WDR1: variants seen among roughly 807,000 people sequenced by gnomAD.
WDR1 encodes the protein WD repeat domain 1.
WDR1 carries 21 observed loss-of-function variants against 71.9 expected under a neutral mutation model. The ratio of observed to expected loss-of-function variants is 0.29; its 90% CI spans 0.21 to 0.42. WDR1 has a LOEUF of 0.42. Among genes scored for constraint, WDR1 ranks in the 10% least tolerant of loss-of-function variants. The probability of loss-of-function intolerance (pLI) is 1.00; values close to 1 mark genes in which losing one functional copy is unlikely to be tolerated. For synonymous variants in WDR1, 424 were observed against 347.4 expected (o/e 1.22, Z -2.45); for missense variants, 696 against 824.5 (o/e 0.84, Z 1.91).
At position 10,103,789 on chromosome 4, in the gene WDR1, ACCTCCCT is replaced by A. The variant is rs1712848947; in HGVS notation, c.229+100_229+106del. Reference sequence around the variant, plus strand: ...CCCCCAGCCTGCTCCCCCACCCCCCACCTCCCTCCTCCCACTCTCCCAAGGCCAGAAG... The same window carrying A: ...CCCCCAGCCTGCTCCCCCACCCCCCACCTCCCACTCTCCCAAGGCCAGAAG... On this transcript the variant is annotated intron_variant, in intron 3 of 14. Coordinates refer to ENST00000499869, the MANE Select transcript of WDR1 (RefSeq NM_017491.5). The A allele has an allele frequency of 4.1e-5, 3 of 73,070 alleles. 1 individual carries two copies. The highest frequency in any genetic ancestry group is 8.6e-5 in the Non-Finnish European group (3 of 34,690). 4.5% of individuals were successfully genotyped at this position (73,070 alleles called of 1,614,324 possible).
At chr4:10,105,267 C>T (rs953561887) in intron 2 of WDR1, among the ~76,000 whole-genome samples, 1 of 152,204 alleles carries the variant, frequency 6.6e-6, no homozygotes, top group African/African-American at 2.4e-5. Flanking sequence ...TCCATCTCCT[C>T]CAACTCTGCT....
chr4:10,091,255 T>A (rs3796825), intron 5 of WDR1, among the ~76,000 whole-genome samples: 25,128 of 152,288 alleles, frequency 0.17, 2,587 homozygotes, highest in Middle Eastern at 0.24. Context: ...TTTGTACCTT[T>A]TTCACTAGTT....
chr4:10,091,187 TAG>T (rs1711953010), intron 5 of WDR1, among the ~76,000 whole-genome samples: 1 of 152,254 alleles, frequency 6.6e-6, no homozygotes, highest in South Asian at 2.1e-4. Flanking sequence ...GCTATGGTGC[TAG>T]AGGTCACCCT....
rs975674866 is a variant in WDR1, at chr4:10,115,964, C to T, written c.138+149G>A. 8 of 1,086,526 alleles carry T rather than the reference C, an allele frequency of 7.4e-6. No homozygotes were observed. In the African/African-American group the frequency reaches 8.0e-5, roughly 11 times the overall value. The allele number at this position is 1,086,526 out of a possible 1,614,324, so 67.3% of individuals were successfully genotyped here. A position where few individuals can be genotyped will look rare whatever the true frequency, so the allele number is the denominator to read the frequency against. On this transcript the variant is annotated intron_variant, in intron 2 of 14. Transcript: ENST00000499869. ...GTGAATCTGAGGCCGGCTTCCGGGG[C>T]TCCGAGGTGTGGCTCCCGGTAGAGG...
chr4:10,102,689 A>T (rs896172694), intron 3 of WDR1, among the ~76,000 whole-genome samples: 16 of 152,164 alleles, frequency 1.1e-4, no homozygotes, highest in Non-Finnish European at 1.8e-4. Flanking sequence ...GGTCTTCCCC[A>T]ACCCCAAGGC....
At position 10,077,370 on chromosome 4, in the gene WDR1, C is replaced by T. The variant is rs766457014; in HGVS notation, c.1648G>A (p.Gly550Ser). The change falls in exon 14 of 15, where the codon GGT becomes AGT. Residue 550 changes from glycine (G) to serine (S), a missense_variant. Coordinates refer to ENST00000499869, the MANE Select transcript of WDR1 (RefSeq NM_017491.5). ...ACATACACCATCATGTCCATGCCAC[C>T]GGAGGCAAAGTGTTCATTGTCTGGG... is the stretch of plus-strand genomic sequence containing the variant. ...WSPDNEHFAS[G>S]GMDMMVYVWT... 108 of 1,613,886 alleles carry T rather than the reference C, an allele frequency of 6.7e-5. No individual in the cohort carries two copies. The highest frequency in any genetic ancestry group is 8.2e-5 in the Non-Finnish European group (97 of 1,179,882).
chr4:10,087,794 C>T lies in WDR1; in HGVS notation c.864G>A (p.Gln288=), dbSNP rs1451533598. The change falls in exon 8 of 15, where the codon CAG becomes CAA. Residue 288 remains glutamine, a synonymous_variant. Coordinates refer to ENST00000499869, the MANE Select transcript of WDR1 (RefSeq NM_017491.5). ...VLDQQLGCLW[Q]KDHLLSVSLS... ...GGGAGACACTGAGCAGGTGGTCCTT[C>T]TGCCATAGGCAGCCCAGCTGCTGGT... 5 of 1,597,664 alleles carry T rather than the reference C, an allele frequency of 3.1e-6. No individual in the cohort carries two copies. Among genetic ancestry groups the T allele is most frequent in the Non-Finnish European group, 4.3e-6 (5 of 1,171,862 alleles).
At position 10,075,076 on chromosome 4, in the gene WDR1, A is replaced by C. The variant is rs1300289957; in HGVS notation, c.*302T>G. The C allele has an allele frequency of 4.4e-6, 2 of 458,448 alleles. No individual in the cohort carries two copies. The highest frequency in any genetic ancestry group is 5.5e-4 in the Middle Eastern group (1 of 1,814). The allele number at this position is 458,448 out of a possible 1,614,324, so 28.4% of individuals were successfully genotyped here. A position where few individuals can be genotyped will look rare whatever the true frequency, so the allele number is the denominator to read the frequency against. ...GGGCCAGGGGCTCTGTGTGCTTTGG[A>C]GGCTACTGCCTCTGGAATGTTTCGC... On this transcript the variant is annotated 3_prime_UTR_variant, in exon 15 of 15. Coordinates refer to ENST00000499869, the MANE Select transcript of WDR1 (RefSeq NM_017491.5).
At chr4:10,083,671 GAAC>G (rs1765101912) in intron 9 of WDR1, 1 of 471,582 alleles carries the variant, frequency 2.1e-6, no homozygotes, top group Non-Finnish European at 4.2e-6. Context: ...GAGGGCAGCA[GAAC>G]AACGCACAGC....
At chr4:10,077,578 C>G in intron 13 of WDR1, 130 bp from the exon 14 acceptor site, 1 of 1,491,208 alleles carries the variant, frequency 6.7e-7, no homozygotes, top group South Asian at 1.3e-5. Context: ...ATGCCAGCGA[C>G]CCCTGCAAAC....
chr4:10,087,962 G>C, intron 7 of WDR1, 22 bp from the exon 8 acceptor site: 2 of 1,540,836 alleles, frequency 1.3e-6, no homozygotes, highest in Non-Finnish European at 8.8e-7. Flanking sequence ...AAAGCAGTGT[G>C]TCATGTGCCA....
At position 10,107,744 on chromosome 4, in the gene WDR1, G is replaced by A. The variant is rs1015741000; in HGVS notation, c.139-3758C>T. ...GCCACCACCCCTGGAGGAGTCCGGG[G>A]GCCTCTGAGGACATGAAGGACACCA... On this transcript the variant is annotated intron_variant, in intron 2 of 14. Transcript: ENST00000499869. Among the ~76,000 whole-genome samples, 6 of 152,114 alleles carry A rather than the reference G, an allele frequency of 3.9e-5. 1 individual carries two copies. Among genetic ancestry groups the A allele is most frequent in the Admixed American group, 3.9e-4 (6 of 15,278 alleles).
At chr4:10,091,054 C>T (rs952582875) in intron 5 of WDR1, among the ~76,000 whole-genome samples, 6 of 152,250 alleles carry the variant, frequency 3.9e-5, no homozygotes. Flanking sequence ...GCCCCCCGCA[C>T]CTGGGTGCTG....
chr4:10,099,968 CACCAAGT>C (rs1276091103), intron 3 of WDR1, among the ~76,000 whole-genome samples: 1 of 152,220 alleles, frequency 6.6e-6, no homozygotes, highest in Non-Finnish European at 1.5e-5. Context: ...ACGATCCTGT[CACCAAGT>C]ACCAAGTCCC....
intron 3 of WDR1, among the ~76,000 whole-genome samples, chr4:10,102,145 CG>C (rs1712717856): frequency 6.6e-6 from 1 of 152,188 alleles, no homozygotes; most frequent in Non-Finnish European, 1.5e-5. Context: ...TGACAGGTAA[CG>C]GGTCACCCAG....
chr4:10,112,141 C>T (rs1040341674), intron 2 of WDR1, among the ~76,000 whole-genome samples: 1 of 152,006 alleles, frequency 6.6e-6, no homozygotes, highest in African/African-American at 2.4e-5. Flanking sequence ...AGGATGGTCC[C>T]GTGCCCTGTT....
At chr4:10,084,872 C>T (rs531608022) in intron 8 of WDR1, among the ~76,000 whole-genome samples, 31 of 152,334 alleles carry the variant, frequency 2.0e-4, no homozygotes, top group African/African-American at 7.5e-4. Flanking sequence ...GGCCTGCACC[C>T]CGCCGACCAG....
intron 2 of WDR1, among the ~76,000 whole-genome samples, chr4:10,112,631 G>A (rs1713455647): frequency 6.6e-6 from 1 of 152,242 alleles, no homozygotes; most frequent in African/African-American, 2.4e-5. Flanking sequence ...TGCAAAGCTG[G>A]CAACGGTGCT....
chr4:10,089,672 C>G lies in WDR1; in HGVS notation c.559-931G>C, dbSNP rs541385092. Among the ~76,000 whole-genome samples, 5 of 152,374 alleles carry G rather than the reference C, an allele frequency of 3.3e-5. No homozygotes were observed. In the East Asian group the frequency reaches 9.6e-4, roughly 29 times the overall value. On this transcript the variant is annotated intron_variant, in intron 5 of 14. Transcript: ENST00000499869. ...GCAAATGCACATCCAGTGCTAACAA[C>G]TCTCTTGGCACAGGAAGGGCTCGCT...
Sources: gnomAD v4.1 joint callset for allele counts (sites outside exome capture counted in the v4.1 genomes callset) on GRCh38, gnomAD v4.1.1 for gene constraint, MANE v1.5 for transcripts, NCBI Gene and HGNC (gene_info 2026-07-23, HGNC 2026-07-21) for gene names.